The following RANBP2 variants were observed in gnomAD, a reference collection of about 807,000 sequenced individuals.
The protein encoded by RANBP2 is RAN binding protein 2, also known as E3 SUMO-protein ligase RanBP2.
A neutral mutation model predicts 303.6 loss-of-function variants in RANBP2; 57 were observed. The observed-to-expected ratio is 0.19, with a 90% CI of 0.15 to 0.23. The LOEUF is 0.23. Among genes scored for constraint, RANBP2 ranks in the 10% least tolerant of loss-of-function variants. The pLI is 1.00. For missense variants in RANBP2, 3,138 were observed against 3,780.8 expected (o/e 0.83, Z 4.46); for synonymous variants, 1,167 against 1,301.5 (o/e 0.90, Z 2.23).
At chr2:109,381,477 G>A in the RANBP2 span, among the ~76,000 whole-genome samples, 19 of 152,180 alleles carry the variant, frequency 1.2e-4, no homozygotes, top group South Asian at 4.1e-4. Context: ...CCTACCCTCC[G>A]CAGGGCATCT....
the RANBP2 span, among the ~76,000 whole-genome samples, chr2:109,115,594 T>C: frequency 6.6e-6 from 1 of 152,254 alleles, no homozygotes; most frequent in Admixed American, 6.5e-5. Context: ...AATTTGCCAG[T>C]CTGTGTCTTT....
chr2:108,964,849 A>G, the RANBP2 span, among the ~76,000 whole-genome samples: 11 of 152,340 alleles, frequency 7.2e-5, no homozygotes, highest in South Asian at 2.3e-3. Flanking sequence ...ATGTTTGGAA[A>G]TAATTCCACA....
chr2:108,964,455 A>C, the RANBP2 span, among the ~76,000 whole-genome samples: 1 of 152,294 alleles, frequency 6.6e-6, no homozygotes, highest in East Asian at 1.9e-4. Flanking sequence ...TGAAGAGGAA[A>C]CCCAAAATAT....
chr2:109,427,299 C>T, the RANBP2 span, among the ~76,000 whole-genome samples: 29 of 151,272 alleles, frequency 1.9e-4, no homozygotes, highest in Non-Finnish European at 4.1e-4. Context: ...AAGGTACTTA[C>T]ATTTTTTTAG....
At chr2:109,481,207 C>T in the RANBP2 span, among the ~76,000 whole-genome samples, 2 of 152,182 alleles carry the variant, frequency 1.3e-5, no homozygotes, top group East Asian at 1.9e-4. Context: ...GCCCTGCAGA[C>T]GTCAGGTTGG....
chr2:109,468,579 T>C, the RANBP2 span, among the ~76,000 whole-genome samples: 1 of 151,984 alleles, frequency 6.6e-6, no homozygotes, highest in African/African-American at 2.4e-5. Flanking sequence ...TTAGGCCCGG[T>C]GTGGTAGCTC....
the RANBP2 span, among the ~76,000 whole-genome samples, chr2:109,323,551 A>G: frequency 0.37 from 56,210 of 152,148 alleles, 11,948 homozygotes; most frequent in Non-Finnish European, 0.48. Flanking sequence ...TAGATGGGGC[A>G]TAAGTCTGAG....
chr2:108,971,624 T>C, the RANBP2 span, among the ~76,000 whole-genome samples: 3 of 152,078 alleles, frequency 2.0e-5, no homozygotes, highest in African/African-American at 7.2e-5. Flanking sequence ...GTATTAGAGA[T>C]AGGATCAGCT....
the RANBP2 span, among the ~76,000 whole-genome samples, chr2:109,281,146 A>T: frequency 6.6e-6 from 1 of 152,194 alleles, no homozygotes; most frequent in East Asian, 1.9e-4. Flanking sequence ...TGCCATAGGA[A>T]ATGGAGTGCC....
the RANBP2 span, among the ~76,000 whole-genome samples, chr2:109,261,864 T>A: frequency 8.7e-4 from 133 of 152,250 alleles, no homozygotes; most frequent in African/African-American, 2.4e-3. Context: ...CTTTTTTTTT[T>A]AAATTTATTA....
chr2:109,638,856 A>T, the RANBP2 span, among the ~76,000 whole-genome samples: 1 of 152,132 alleles, frequency 6.6e-6, no homozygotes, highest in African/African-American at 2.4e-5. Flanking sequence ...ATTCTCTTGT[A>T]ACACTCTCTG....
chr2:109,274,217 T>C, the RANBP2 span, among the ~76,000 whole-genome samples: 28 of 152,344 alleles, frequency 1.8e-4, no homozygotes, highest in Admixed American at 6.5e-4. Flanking sequence ...TATGGAGATT[T>C]GAGATTTCAA....
the RANBP2 span, among the ~76,000 whole-genome samples, chr2:109,531,831 C>T: frequency 6.6e-5 from 10 of 152,336 alleles, no homozygotes; most frequent in Non-Finnish European, 1.3e-4. Context: ...ATGGCGGAAT[C>T]GAGGTCATCA....
chr2:109,126,235 TG>T, the RANBP2 span, among the ~76,000 whole-genome samples: 6 of 152,128 alleles, frequency 3.9e-5, no homozygotes, highest in African/African-American at 1.4e-4. Context: ...GTCCTGTGGG[TG>T]CTGGTTATGG....
At chr2:108,787,158 T>C (rs1041709529), downstream of RANBP2, among the ~76,000 whole-genome samples, 18 of 152,192 alleles carry the variant, frequency 1.2e-4, no homozygotes, top group Non-Finnish European at 1.9e-4. Flanking sequence ...TGGTGTGGTG[T>C]TGGAGAAAGT....
chr2:109,347,589 G>A, the RANBP2 span: 8 of 1,514,550 alleles, frequency 5.3e-6, no homozygotes, highest in Non-Finnish European at 7.1e-6. Context: ...AAGCCCCTGA[G>A]AAGCCCCGGC....
At chr2:108,883,475 C>T in the RANBP2 span, 1 of 152,280 alleles carries the variant, frequency 6.6e-6, no homozygotes, top group East Asian at 1.9e-4. Context: ...CAGACATAAC[C>T]AGCAAGGGCA....
chr2:109,025,708 G>A, the RANBP2 span, among the ~76,000 whole-genome samples: 1 of 151,140 alleles, frequency 6.6e-6, no homozygotes, highest in Non-Finnish European at 1.5e-5. Context: ...TGAGGCAGGA[G>A]AATGGCGTGA....
Position 108,771,725 on chromosome 2 carries a change from A to T in RANBP2, c.7874A>T (p.Asp2625Val). ...EKAKEKKKPE[D>V]SPSDDDVLIV... is the part of the protein sequence containing the mutation. ...GCAAAAGAGAAGAAAAAACCTGAAG[A>T]TTCTCCCTCAGATGATGATGTTCTC... is the stretch of plus-strand genomic sequence containing the variant. Residue 2625 changes from aspartate (D) to valine (V), a missense_variant, in exon 21 of 29, where the codon GAT (aspartate) becomes GTT (valine). By Grantham distance (152) the Asp-to-Val change is radical. Coordinates refer to ENST00000283195, the MANE Select transcript of RANBP2 (RefSeq NM_006267.5). 2.5e-6 allele frequency: 4 copies of T among 1,613,594 alleles called. No individual in the cohort carries two copies. Among genetic ancestry groups the T allele is most frequent in the Non-Finnish European group, 3.4e-6 (4 of 1,179,928 alleles).
Sources: gnomAD v4.1 joint callset for allele counts (sites outside exome capture counted in the v4.1 genomes callset) on GRCh38, gnomAD v4.1.1 for gene constraint, MANE v1.5 for transcripts, NCBI Gene and HGNC (gene_info 2026-07-23, HGNC 2026-07-21) for gene names.